ARB2A: variants seen among roughly 807,000 people sequenced by gnomAD.
ARB2A encodes the protein ARB2 cotranscriptional regulator A, also known as cotranscriptional regulator ARB2A.
At chr5:93,911,967 T>C in the ARB2A span, among the ~76,000 whole-genome samples, 2 of 151,750 alleles carry the variant, frequency 1.3e-5, no homozygotes, top group Non-Finnish European at 2.9e-5. Context: ...CTTTTGTAGT[T>C]GACACAGAAC....
the ARB2A span, among the ~76,000 whole-genome samples, chr5:93,806,393 A>G: frequency 6.6e-6 from 1 of 151,954 alleles, no homozygotes; most frequent in African/African-American, 2.4e-5. Context: ...TAACAATTTT[A>G]GACATTCTAA....
chr5:93,691,844 A>T, the ARB2A span, among the ~76,000 whole-genome samples: 1 of 152,230 alleles, frequency 6.6e-6, no homozygotes, highest in Non-Finnish European at 1.5e-5. Flanking sequence ...GAACCCTACA[A>T]GCCAGAAGAC....
the ARB2A span, among the ~76,000 whole-genome samples, chr5:93,716,729 A>C: frequency 6.6e-6 from 1 of 150,584 alleles, no homozygotes; most frequent in Non-Finnish European, 1.5e-5. Flanking sequence ...TCAATATGCC[A>C]AGTTTAACAA....
chr5:94,087,897 A>G, the ARB2A span, among the ~76,000 whole-genome samples: 5 of 152,234 alleles, frequency 3.3e-5, no homozygotes, highest in East Asian at 9.6e-4. Flanking sequence ...GTAACAGACT[A>G]TAACATCTAG....
the ARB2A span, among the ~76,000 whole-genome samples, chr5:93,934,609 C>A: frequency 3.3e-5 from 5 of 152,176 alleles, no homozygotes; most frequent in South Asian, 1.0e-3. Context: ...TGAAGGGAAG[C>A]CTACTGGAGG....
At chr5:94,059,549 A>G in the ARB2A span, among the ~76,000 whole-genome samples, 1 of 123,378 alleles carries the variant, frequency 8.1e-6, no homozygotes, top group African/African-American at 3.0e-5. Flanking sequence ...TGAACCCGGG[A>G]GGCAGAGGTT....
chr5:93,783,049 A>C, the ARB2A span, among the ~76,000 whole-genome samples: 1 of 152,132 alleles, frequency 6.6e-6, no homozygotes, highest in African/African-American at 2.4e-5. Flanking sequence ...GGAACACCTA[A>C]TCCAGCCTTA....
chr5:93,719,049 G>A, the ARB2A span, among the ~76,000 whole-genome samples: 1 of 152,124 alleles, frequency 6.6e-6, no homozygotes, highest in African/African-American at 2.4e-5. Flanking sequence ...TAAACTCAAT[G>A]GGTGGAGCTC....
chr5:93,966,492 C>T, the ARB2A span, among the ~76,000 whole-genome samples: 14 of 151,976 alleles, frequency 9.2e-5, no homozygotes, highest in African/African-American at 1.9e-4. Context: ...TTGAAAAACA[C>T]GATAGAGCAA....
chr5:93,849,261 T>C, the ARB2A span, among the ~76,000 whole-genome samples: 36 of 152,162 alleles, frequency 2.4e-4, no homozygotes, highest in African/African-American at 8.7e-4. Flanking sequence ...TGAAAAGCAG[T>C]TTATGAAACA....
chr5:93,823,313 T>C, the ARB2A span, among the ~76,000 whole-genome samples: 1 of 152,146 alleles, frequency 6.6e-6, no homozygotes, highest in African/African-American at 2.4e-5. Flanking sequence ...AATTTGGTAA[T>C]TTTTTTCTAT....
At chr5:93,824,245 T>C in the ARB2A span, 1 of 1,589,856 alleles carries the variant, frequency 6.3e-7, no homozygotes, top group Non-Finnish European at 8.6e-7. Context: ...ATAGATTGCA[T>C]GTTCTTCAGG....
chr5:94,060,278 G>C, the ARB2A span, among the ~76,000 whole-genome samples: 1 of 152,052 alleles, frequency 6.6e-6, no homozygotes, highest in Non-Finnish European at 1.5e-5. Flanking sequence ...CTTGAACCTG[G>C]GAGGCGGAGG....
At chr5:94,053,084 G>A in the ARB2A span, 1 of 1,045,864 alleles carries the variant, frequency 9.6e-7, no homozygotes, top group Non-Finnish European at 1.4e-6. Context: ...TAGATAGATA[G>A]ATAGATAGAT....
chr5:93,965,549 C>T, the ARB2A span, among the ~76,000 whole-genome samples: 1 of 151,918 alleles, frequency 6.6e-6, no homozygotes, highest in Non-Finnish European at 1.5e-5. Context: ...AAAAGAAAAT[C>T]AACATACTAT....
the ARB2A span, among the ~76,000 whole-genome samples, chr5:93,954,885 T>C: frequency 2.0e-5 from 3 of 152,222 alleles, no homozygotes; most frequent in Non-Finnish European, 4.4e-5. Flanking sequence ...GCTCCCTCCA[T>C]GGATGCCAAC....
chr5:93,911,853 C>T, the ARB2A span, among the ~76,000 whole-genome samples: 2 of 151,680 alleles, frequency 1.3e-5, no homozygotes, highest in African/African-American at 4.8e-5. Flanking sequence ...TCTAGGGATT[C>T]CTATCAGCTG....
chr5:93,748,717 G>T, the ARB2A span, among the ~76,000 whole-genome samples: 1 of 151,582 alleles, frequency 6.6e-6, no homozygotes, highest in African/African-American at 2.4e-5. Context: ...TTAAAATTTT[G>T]TTAAAATATT....
chr5:93,645,750 T>C, the ARB2A span, among the ~76,000 whole-genome samples: 1 of 152,190 alleles, frequency 6.6e-6, no homozygotes, highest in East Asian at 1.9e-4. Flanking sequence ...ATTTTATACA[T>C]GCAAGACAAA....
Sources: gnomAD v4.1 joint callset for allele counts (sites outside exome capture counted in the v4.1 genomes callset) on GRCh38, gnomAD v4.1.1 for gene constraint, MANE v1.5 for transcripts, NCBI Gene and HGNC (gene_info 2026-07-23, HGNC 2026-07-21) for gene names.